The following ELOVL1 variants were observed in gnomAD, a reference collection of about 807,000 sequenced individuals.
ELOVL1 encodes the protein very long chain fatty acid elongase 1.
In ELOVL1, 10 loss-of-function variants were observed where a neutral mutation model predicts 37.8. That is an observed-to-expected ratio of 0.26 (90% CI 0.16 to 0.45). ELOVL1 has a LOEUF of 0.45. Ranked by LOEUF, ELOVL1 falls within the 20% of genes least tolerant of loss-of-function variation. ELOVL1 has a pLI of 1.00. For synonymous variants in ELOVL1, 133 were observed against 123.8 expected (o/e 1.07, Z -0.49); for missense variants, 256 against 352.7 (o/e 0.73, Z 2.20).
At chr1:43,365,512 TC>T (rs1647217978) in intron 2 of ELOVL1, 51 bp downstream of exon 2, 2 of 1,613,680 alleles carry the variant, frequency 1.2e-6, no homozygotes, top group African/African-American at 1.3e-5. Flanking sequence ...CAGCCGTAGA[TC>T]CAGGGATCCC....
intron 1 of ELOVL1, chr1:43,366,125 C>T (rs930225028): frequency 5.3e-6 from 1 of 187,580 alleles, no homozygotes; most frequent in African/African-American, 2.3e-5. Flanking sequence ...TCTCTTCTCC[C>T]CAGGGTCCCT....
Sources: allele counts gnomAD v4.1 joint callset, GRCh38; gene constraint gnomAD v4.1.1; transcripts MANE v1.5; gene names NCBI Gene and HGNC (gene_info 2026-07-23, HGNC 2026-07-21).